Variants in MARCHF1 observed in about 807,000 individuals in gnomAD.
MARCHF1 encodes membrane associated ring-CH-type finger 1.
In MARCHF1, 40 loss-of-function variants were observed where a neutral mutation model predicts 54.2. The ratio of observed to expected loss-of-function variants is 0.74; its 90% CI spans 0.57 to 0.96. The LOEUF (loss-of-function observed/expected upper bound fraction) is 0.96. MARCHF1 is among the 40% of genes least tolerant of loss of function. MARCHF1 has a pLI of 0.00. For missense variants in MARCHF1, 586 were observed against 656.5 expected (o/e 0.89, Z 1.17); for synonymous variants, 236 against 236.3 (o/e 1.00, Z 0.01).
chr4:163,646,577 T>G (rs796849589), intron 5 of MARCHF1, among the ~76,000 whole-genome samples: 1 of 152,014 alleles, frequency 6.6e-6, no homozygotes, highest in African/African-American at 2.4e-5. Context: ...GCTGTGATAA[T>G]TTGTTAAGGA....
In MARCHF1 at chr4:163,528,804, C is replaced by CTGTT. The variant is rs778233060; in HGVS notation, c.1578_1581dup (p.Gly528AsnfsTer15). On this transcript the variant is annotated frameshift_variant, in exon 10 of 10. Transcript: ENST00000514618. LOFTEE classifies it high-confidence loss of function. ...TCTGCAGATGGCAGTGAATTTGCAC[C>CTGTT]TGTTTGTGGTACAGGCACTACCACA... 5.6e-6 allele frequency: 9 copies of CTGTT among 1,613,050 alleles called. No individual in the cohort carries two copies. The highest frequency in any genetic ancestry group is 7.6e-6 in the Non-Finnish European group (9 of 1,179,432).
intron 4 of MARCHF1, among the ~76,000 whole-genome samples, chr4:163,729,888 G>T (rs1197152181): frequency 6.6e-6 from 1 of 152,046 alleles, no homozygotes; most frequent in African/African-American, 2.4e-5. Flanking sequence ...ATTATAATGT[G>T]TCTCAGTTAT....
intron 4 of MARCHF1, among the ~76,000 whole-genome samples, chr4:163,787,848 G>A (rs141091109): frequency 6.6e-6 from 1 of 151,984 alleles, no homozygotes; most frequent in Non-Finnish European, 1.5e-5. Flanking sequence ...CAGATGAATG[G>A]ATAACAAAAA....
At chr4:163,857,078 G>A (rs1343775378) in intron 3 of MARCHF1, among the ~76,000 whole-genome samples, 1 of 148,972 alleles carries the variant, frequency 6.7e-6, no homozygotes, top group East Asian at 1.9e-4. Context: ...AGCAGCATGA[G>A]TATAGGTGCA....
At chr4:164,197,229 CT>C (rs1394172675) in intron 1 of MARCHF1, 7 of 1,610,614 alleles carry the variant, frequency 4.3e-6, no homozygotes, top group Non-Finnish European at 5.9e-6. Flanking sequence ...CATCCAGGCC[CT>C]CCACGTGGTC....
chr4:164,201,071 A>C (rs1259750404), intron 1 of MARCHF1, among the ~76,000 whole-genome samples: 2 of 152,248 alleles, frequency 1.3e-5, no homozygotes, highest in African/African-American at 4.8e-5. Context: ...GGAAGAAACA[A>C]GGTTGCTGAA....
intron 2 of MARCHF1, among the ~76,000 whole-genome samples, chr4:164,025,539 A>G (rs752372150): frequency 2.0e-5 from 3 of 152,124 alleles, no homozygotes; most frequent in Non-Finnish European, 4.4e-5. Flanking sequence ...AATTAATAAA[A>G]TTGGGGACAC....
chr4:163,733,262 C>CATGTATATATAT (rs1745932659), intron 4 of MARCHF1, among the ~76,000 whole-genome samples: 3 of 96,506 alleles, frequency 3.1e-5, no homozygotes, highest in South Asian at 6.8e-4. Flanking sequence ...TATATATACA[C>CATGTATATATAT]ACACACACAC....
chr4:163,835,868 G>T (rs1416724916), intron 4 of MARCHF1, among the ~76,000 whole-genome samples: 1 of 6,830 alleles, frequency 1.5e-4, no homozygotes, highest in Non-Finnish European at 6.0e-3. Flanking sequence ...ATTAGAAATA[G>T]ATTGTTTTTT....
intron 3 of MARCHF1, among the ~76,000 whole-genome samples, chr4:163,855,919 T>G (rs1337248509): frequency 6.6e-6 from 1 of 152,204 alleles, no homozygotes; most frequent in Non-Finnish European, 1.5e-5. Context: ...GCAGGAATAG[T>G]AGTCATAAGA....
chr4:163,607,189 G>A (rs543079359), intron 7 of MARCHF1, among the ~76,000 whole-genome samples: 1 of 152,170 alleles, frequency 6.6e-6, no homozygotes, highest in African/African-American at 2.4e-5. Context: ...TCTTGTTTAA[G>A]CTCATTTGAA....
intron 3 of MARCHF1, among the ~76,000 whole-genome samples, chr4:163,971,833 C>T (rs1181776583): frequency 1.3e-5 from 2 of 152,086 alleles, no homozygotes; most frequent in Non-Finnish European, 2.9e-5. Flanking sequence ...AAGATCTCAT[C>T]CAAAATTATT....
At chr4:163,716,142 T>G (rs568464541) in intron 4 of MARCHF1, among the ~76,000 whole-genome samples, 1 of 152,302 alleles carries the variant, frequency 6.6e-6, no homozygotes, top group African/African-American at 2.4e-5. Context: ...AAAATTGAAC[T>G]TTTATGATGG....
intron 5 of MARCHF1, among the ~76,000 whole-genome samples, chr4:163,686,614 A>G (rs1401874313): frequency 2.0e-5 from 3 of 151,894 alleles, no homozygotes; most frequent in Non-Finnish European, 4.4e-5. Flanking sequence ...TACTTGGAAA[A>G]ATTTCATCTC....
At chr4:163,978,754 G>C (rs2110860242) in intron 3 of MARCHF1, among the ~76,000 whole-genome samples, 1 of 152,030 alleles carries the variant, frequency 6.6e-6, no homozygotes, top group African/African-American at 2.4e-5. Context: ...TATTCTTAGA[G>C]ACAAGATCCC....
At chr4:163,768,288 A>G (rs1483078985) in intron 4 of MARCHF1, among the ~76,000 whole-genome samples, 1 of 152,182 alleles carries the variant, frequency 6.6e-6, no homozygotes, top group African/African-American at 2.4e-5. Context: ...ATATTCTCAG[A>G]TTAAAAAGAA....
chr4:164,231,311 C>T (rs1457851525), intron 1 of MARCHF1, among the ~76,000 whole-genome samples: 1 of 152,098 alleles, frequency 6.6e-6, no homozygotes, highest in South Asian at 2.1e-4. Flanking sequence ...TCCTGACAAT[C>T]AAAATATGGC....
At chr4:164,363,498 G>A (rs956874043) in intron 1 of MARCHF1, among the ~76,000 whole-genome samples, 1 of 152,042 alleles carries the variant, frequency 6.6e-6, no homozygotes, top group South Asian at 2.1e-4. Flanking sequence ...TAGAACAGAG[G>A]CCACTAGAGA....
intron 1 of MARCHF1, among the ~76,000 whole-genome samples, chr4:164,172,422 C>T (rs1407324889): frequency 6.6e-6 from 1 of 151,970 alleles, no homozygotes; most frequent in East Asian, 1.9e-4. Context: ...AAGAATGAAG[C>T]CCCTAGACGA....
Sources: allele counts gnomAD v4.1 joint callset (sites outside exome capture counted in the v4.1 genomes callset), GRCh38; gene constraint gnomAD v4.1.1; transcripts MANE v1.5; gene names NCBI Gene and HGNC (gene_info 2026-07-23, HGNC 2026-07-21).